DOK2: variants seen among roughly 807,000 people sequenced by gnomAD.
DOK2 encodes the protein docking protein 2.
A neutral mutation model predicts 26.0 loss-of-function variants in DOK2; 28 were observed. The ratio of observed to expected loss-of-function variants is 1.08; its 90% CI spans 0.80 to 1.48. The LOEUF is 1.48. Among genes scored for constraint, DOK2 ranks in the 40% most tolerant of loss-of-function variants. DOK2 has a pLI of 0.00. For missense variants in DOK2, 682 were observed against 558.2 expected (o/e 1.22, Z -2.23); for synonymous variants, 282 against 236.9 (o/e 1.19, Z -1.75).
At position 21,909,460 on chromosome 8, in the gene DOK2, G is replaced by A. The variant is rs202013016; in HGVS notation, c.1090C>T (p.Arg364Trp). 5.0e-5 allele frequency: 80 copies of A among 1,613,490 alleles called. No individual in the cohort carries two copies. The highest frequency in any genetic ancestry group is 3.3e-4 in the East Asian group (15 of 44,856). ...LSLYDSPQEP[R>W]GEAWRRQATA... ...GCCTGCCTCCTCCATGCCTCACCCC[G>A]GGGCTCCTGCGGGCTGTCATAGAGG... Residue 364 changes from arginine to tryptophan, a missense_variant, in exon 5 of 5, where the codon CGG becomes TGG. Transcript: ENST00000276420.
Position 21,909,373 on chromosome 8 carries a change from CAGAG to C in DOK2, c.1173_1176del (p.Phe391LeufsTer16), listed in dbSNP as rs1809723477. ...TCAGTTCCTGGCTGCCAGCCAGAAG[CAGAG>C]AAATCCTGCCCGGCTGGCTGGACAT... On this transcript the variant is annotated frameshift_variant, in exon 5 of 5. Transcript: ENST00000276420. LOFTEE classifies it high-confidence loss of function. 1 of 1,584,004 alleles carries C rather than the reference CAGAG, an allele frequency of 6.3e-7. No individual in the cohort carries two copies. The highest frequency in any genetic ancestry group is 8.6e-7 in the Non-Finnish European group (1 of 1,164,702).
intron 3 of DOK2, 59 bp downstream of exon 3, chr8:21,911,842 C>T: frequency 6.6e-7 from 1 of 1,511,374 alleles, no homozygotes; most frequent in Non-Finnish European, 8.9e-7. Flanking sequence ...CACACCTCCT[C>T]TCCACCTCAC....
At chr8:21,911,000 G>C in intron 3 of DOK2, 143 bp from the exon 4 acceptor site, 2 of 990,216 alleles carry the variant, frequency 2.0e-6, no homozygotes, top group Non-Finnish European at 2.9e-6. Context: ...CCTGGGTCTT[G>C]GAGGCTGAGC....
intron 3 of DOK2, 103 bp downstream of exon 3, chr8:21,911,798 G>C (rs1468231262): frequency 7.8e-7 from 1 of 1,286,156 alleles, no homozygotes; most frequent in African/African-American, 1.5e-5. Flanking sequence ...ATAACCACAA[G>C]GCAGGAAGAC....
chr8:21,910,718 C>T lies in DOK2; in HGVS notation c.573G>A (p.Leu191=), dbSNP rs776341045. ...LWGGPEPGTQ[L]YDWPYRFLRR... is the part of the protein sequence containing the mutation. ...GCAGAAACCTGTAGGGCCAGTCGTACAGCTGGGTCCCTGGCTCGGGCCCAC... is the reference window on the plus strand; with the variant it reads ...GCAGAAACCTGTAGGGCCAGTCGTATAGCTGGGTCCCTGGCTCGGGCCCAC... Residue 191 remains leucine, a synonymous_variant, in exon 4 of 5, where the codon CTG becomes CTA. Transcript: ENST00000276420. 8 of 1,614,112 alleles carry T rather than the reference C, an allele frequency of 5.0e-6. No individual in the cohort carries two copies. Among genetic ancestry groups the T allele is most frequent in the Admixed American group, 3.3e-5 (2 of 60,030 alleles).
chr8:21,910,037 A>C (rs1406340283), intron 4 of DOK2, 106 bp from the exon 5 acceptor site: 1 of 1,309,638 alleles, frequency 7.6e-7, no homozygotes, highest in African/African-American at 1.5e-5. Flanking sequence ...GCTGGAGTGC[A>C]GTGGCACAAT....
In DOK2 at chr8:21,910,731, G is replaced by C; in HGVS notation, c.560C>G (p.Pro187Arg). 6.2e-7 allele frequency: 1 copy of C among 1,614,076 alleles called. No homozygotes were observed. The highest frequency in any genetic ancestry group is 1.3e-5 in the African/African-American group (1 of 75,044). ...GGGCCAGTCGTACAGCTGGGTCCCT[G>C]GCTCGGGCCCACCCCACAGCTCCAG... ...SALELWGGPEPGTQLYDWPYR... is the reference protein window; with the variant it reads ...SALELWGGPERGTQLYDWPYR... Residue 187 changes from proline (P) to arginine (R), a missense_variant, in exon 4 of 5, where the codon CCA becomes CGA. Physicochemically the swap from Pro to Arg is moderately radical, Grantham distance 103 (BLOSUM62 -2). Transcript: ENST00000276420.
intron 3 of DOK2, among the ~76,000 whole-genome samples, chr8:21,911,435 C>G (rs187724742): frequency 6.6e-6 from 1 of 152,078 alleles, no homozygotes; most frequent in Non-Finnish European, 1.5e-5. Context: ...GGTGAAACCC[C>G]GACTCTACTA....
Position 21,912,217 on chromosome 8 carries a change from C to T in DOK2, c.345+12G>A. ...ACGCCCCCTTGCCCTTTCCGCACCC[C>T]GCGCGACTCACGGGGAAGGCCAGGA... is the stretch of plus-strand genomic sequence containing the variant. On this transcript the variant is annotated intron_variant, in intron 2 of 4. Coordinates refer to ENST00000276420, the MANE Select transcript of DOK2 (RefSeq NM_003974.4). 6.5e-7 allele frequency: 1 copy of T among 1,546,380 alleles called. No homozygotes were observed.
Position 21,909,669 on chromosome 8 carries a change from C to A in DOK2, c.881G>T (p.Gly294Val). 1 of 1,613,040 alleles carries A rather than the reference C, an allele frequency of 6.2e-7. No individual in the cohort carries two copies. Among genetic ancestry groups the A allele is most frequent in the Non-Finnish European group, 8.5e-7 (1 of 1,180,034 alleles). The change falls in exon 5 of 5, where the codon GGC (glycine) becomes GTC (valine). Residue 294 changes from glycine to valine, a missense_variant. Physicochemically the swap from Gly to Val is moderately radical, Grantham distance 109. Transcript: ENST00000276420. The part of the protein sequence containing the change: ...TTPVPAPRPR[G>V]QEGEYAVPFD... ...GGGCACGGCATACTCCCCCTCCTGG[C>A]CCCGAGGCCGTGGAGCAGGCACCGG...
chr8:21,912,024 G>A (rs1809870533), intron 2 of DOK2, 36 bp from the exon 3 acceptor site: 2 of 1,534,896 alleles, frequency 1.3e-6, no homozygotes, highest in South Asian at 1.2e-5. Flanking sequence ...CACCTTCCCC[G>A]ATCCCCAGGC....
chr8:21,909,113 G>A lies in DOK2; in HGVS notation c.*198C>T. Reference sequence around the variant, plus strand: ...GTGGAAAAAGAGTAGGAGGAGGGTGGTTCTCTCCAGGGCACCCTTCCTGCT... The same window carrying A: ...GTGGAAAAAGAGTAGGAGGAGGGTGATTCTCTCCAGGGCACCCTTCCTGCT... On this transcript the variant is annotated 3_prime_UTR_variant, in exon 5 of 5. Coordinates refer to ENST00000276420, the MANE Select transcript of DOK2 (RefSeq NM_003974.4). The A allele has an allele frequency of 1.8e-6, 1 of 565,974 alleles. No homozygotes were observed. Among genetic ancestry groups the A allele is most frequent in the Non-Finnish European group, 3.1e-6 (1 of 325,132 alleles). The allele number at this position is 565,974 out of a possible 1,614,324, so 35.1% of individuals were successfully genotyped here.
chr8:21,913,660 C>G lies in DOK2; in HGVS notation c.-59G>C, dbSNP rs1157817307. 2.3e-5 allele frequency: 37 copies of G among 1,593,094 alleles called. No homozygotes were observed. Among genetic ancestry groups the G allele is most frequent in the Non-Finnish European group, 3.0e-5 (35 of 1,162,078 alleles). ...CTCTCCTTCACTCCTGCCCTTGCCT[C>G]TCTCTTCTTAGCCGTGTGTTTCCCT... On this transcript the variant is annotated 5_prime_UTR_variant, in exon 1 of 5. Transcript: ENST00000276420.
chr8:21,910,970 C>G (rs1809821853), intron 3 of DOK2, 113 bp from the exon 4 acceptor site: 1 of 1,235,636 alleles, frequency 8.1e-7, no homozygotes, highest in Non-Finnish European at 1.1e-6. Context: ...AAGTATTATC[C>G]ACACACTTAT....
At chr8:21,912,190 G>A in intron 2 of DOK2, 39 bp downstream of exon 2, 1 of 1,510,900 alleles carries the variant, frequency 6.6e-7, no homozygotes, top group Non-Finnish European at 8.8e-7. Flanking sequence ...CCCTCGGCCT[G>A]CACGCCCCCT....
Position 21,909,558 on chromosome 8 carries a change from T to C in DOK2, c.992A>G (p.Asp331Gly), listed in dbSNP as rs1459024432. The C allele has an allele frequency of 6.2e-7, 1 of 1,614,002 alleles. No homozygotes were observed. Among genetic ancestry groups the C allele is most frequent in the Non-Finnish European group, 8.5e-7 (1 of 1,179,964 alleles). The change falls in exon 5 of 5, where the codon GAC (aspartate) becomes GGC (glycine). Residue 331 changes from aspartate (D) to glycine (G), a missense_variant. Coordinates refer to ENST00000276420, the MANE Select transcript of DOK2 (RefSeq NM_003974.4). The stretch of plus-strand genomic sequence containing the variant: ...AGGGGGCAGGGTCTCCTCAATGCTG[T>C]CGTACAGAGGGTCGGCCAGGAGCTG... The part of the protein sequence containing the change: ...PPQLLADPLY[D>G]SIEETLPPRP...
In DOK2 at chr8:21,909,929, T is replaced by G. The variant is rs774055755; in HGVS notation, c.621A>C (p.Val207=). The G allele has an allele frequency of 1.4e-5, 23 of 1,606,806 alleles. No homozygotes were observed. In the East Asian group the frequency reaches 4.5e-4, roughly 31 times the overall value. The part of the protein sequence containing the change: ...RFLRRFGRDK[V]TFSFEAGRRC... ...GACGGCCTGCCTCAAAGGAAAAGGT[T>G]ACCTGGACCAGGGAGAAAGCAGGTT... The change falls in exon 5 of 5, where the codon GTA becomes GTC. Residue 207 remains valine (V), a splice_region_variant and synonymous_variant. Coordinates refer to ENST00000276420, the MANE Select transcript of DOK2 (RefSeq NM_003974.4).
At chr8:21,909,962 A>G in intron 4 of DOK2, 31 bp from the exon 5 acceptor site, 1 of 1,584,318 alleles carries the variant, frequency 6.3e-7, no homozygotes, top group South Asian at 1.1e-5. Context: ...GTTATTGGCC[A>G]GGCCACAGGG....
Position 21,912,490 on chromosome 8 carries a change from G to A in DOK2, c.84C>T (p.Ala28=), listed in dbSNP as rs867912936. The A allele has an allele frequency of 5.2e-6, 8 of 1,533,934 alleles. No homozygotes were observed. Among genetic ancestry groups the A allele is most frequent in the Middle Eastern group, 1.8e-4 (1 of 5,450 alleles). The part of the protein sequence containing the change: ...TFGKKWRRFG[A]SLYGGSDCAL... Reference sequence around the variant, plus strand: ...CGCAGTCCGACCCTCCATACAGTGAGGCGCCGAAGCGGCGCCATTTCTGTG... The same window carrying A: ...CGCAGTCCGACCCTCCATACAGTGAAGCGCCGAAGCGGCGCCATTTCTGTG... Residue 28 remains alanine, a synonymous_variant, in exon 2 of 5, where the codon GCC becomes GCT. Transcript: ENST00000276420.
Sources: gnomAD v4.1 joint callset for allele counts (sites outside exome capture counted in the v4.1 genomes callset) on GRCh38, gnomAD v4.1.1 for gene constraint, MANE v1.5 for transcripts, NCBI Gene and HGNC (gene_info 2026-07-23, HGNC 2026-07-21) for gene names.